Variants in EVI5 observed in about 807,000 individuals in gnomAD.
EVI5 encodes ecotropic viral integration site 5, also known as ecotropic viral integration site 5 protein homolog.
A neutral mutation model predicts 112.0 loss-of-function variants in EVI5; 73 were observed. The observed-to-expected ratio is 0.65, with a 90% CI of 0.54 to 0.79. The LOEUF (loss-of-function observed/expected upper bound fraction) is 0.79. EVI5 is among the 30% of genes least tolerant of loss of function. The pLI is 0.00. For synonymous variants in EVI5, 305 were observed against 319.9 expected, an observed-to-expected ratio of 0.95 and a Z score of 0.50; for missense variants, 900 against 968.8, an observed-to-expected ratio of 0.93 and a Z score of 0.94.
chr1:92,676,459 C>A (rs1397306102), intron 10 of EVI5, among the ~76,000 whole-genome samples: 1 of 152,030 alleles, frequency 6.6e-6, no homozygotes, highest in East Asian at 1.9e-4. Flanking sequence ...GTGAATTGGC[C>A]AATCACTAAG....
chr1:92,704,673 A>G lies in EVI5; in HGVS notation c.221T>C (p.Val74Ala), dbSNP rs201824598. The stretch of plus-strand genomic sequence containing the variant: ...GTTGCTAGAGGCTGATGAACTCGAC[A>G]CAAGAGAAGAGCCACTGTTTCTTCT... Reference protein sequence around the residue: ...GSRRNSGSSLVSSSSASSNLS... With the variant: ...GSRRNSGSSLASSSSASSNLS... The change falls in exon 3 of 20, where the codon GTG (valine) becomes GCG (alanine). Residue 74 changes from valine to alanine, a missense_variant. Coordinates refer to ENST00000684568, the MANE Select transcript of EVI5 (RefSeq NM_001350197.2). 1.9e-6 allele frequency: 3 copies of G among 1,605,020 alleles called. No homozygotes were observed. Among genetic ancestry groups the G allele is most frequent in the Non-Finnish European group, 1.7e-6 (2 of 1,174,142 alleles).
At chr1:92,530,686 C>A (rs958297068) in intron 19 of EVI5, among the ~76,000 whole-genome samples, 11 of 151,874 alleles carry the variant, frequency 7.2e-5, no homozygotes, top group African/African-American at 2.4e-4. Flanking sequence ...AGCAGACCTG[C>A]AGCAGAGAGG....
intron 18 of EVI5, among the ~76,000 whole-genome samples, chr1:92,593,530 C>G (rs544412586): frequency 0.012 from 1,772 of 152,306 alleles, 40 homozygotes; most frequent in African/African-American, 0.04. Flanking sequence ...TGCCCTCTCT[C>G]ACCACTCCTA....
At chr1:92,689,024 G>A (rs1216792935) in intron 9 of EVI5, among the ~76,000 whole-genome samples, 1 of 152,034 alleles carries the variant, frequency 6.6e-6, no homozygotes, top group East Asian at 1.9e-4. Flanking sequence ...GTATGAAGTA[G>A]ACACTGCAGT....
chr1:92,570,603 T>C (rs1372572595), intron 18 of EVI5, among the ~76,000 whole-genome samples: 1 of 152,106 alleles, frequency 6.6e-6, no homozygotes, highest in Non-Finnish European at 1.5e-5. Flanking sequence ...ACCTCTAACA[T>C]TGTAAGAGAG....
At chr1:92,663,530 T>C (rs1664382555) in intron 11 of EVI5, 78 bp from the exon 12 acceptor site, 2 of 665,790 alleles carry the variant, frequency 3.0e-6, no homozygotes, top group Non-Finnish European at 4.9e-6. Flanking sequence ...GAAACAAATA[T>C]ACCCAAATTC....
At chr1:92,697,805 C>A in intron 6 of EVI5, 55 bp downstream of exon 6, 7 of 1,458,376 alleles carry the variant, frequency 4.8e-6, no homozygotes, top group Non-Finnish European at 6.6e-6. Flanking sequence ...GCACTCAGAA[C>A]AAGATATAAA....
chr1:92,636,712 A>C (rs1226504750), intron 13 of EVI5, among the ~76,000 whole-genome samples: 1 of 152,222 alleles, frequency 6.6e-6, no homozygotes, highest in Non-Finnish European at 1.5e-5. Context: ...GTGGCTACTG[A>C]ACACTTGAAA....
rs1659151069 is a variant in EVI5 at position 92,510,973 on chromosome 1, T to C, written c.*2683A>G. 6.6e-6 allele frequency: 1 copy of C among 152,216 alleles called. No homozygotes were observed. Among genetic ancestry groups the C allele is most frequent in the African/African-American group, 2.4e-5 (1 of 41,450 alleles). The allele number at this position is 152,216 out of a possible 1,614,324, so 9.4% of individuals were successfully genotyped here. On this transcript the variant is annotated 3_prime_UTR_variant, in exon 20 of 20. Coordinates refer to ENST00000684568, the MANE Select transcript of EVI5 (RefSeq NM_001350197.2). ...CTCACTTCACTTGGACATTGATAGC[T>C]TTCTGGGCTGATAGTATAGAACTCC...
At chr1:92,539,330 C>G (rs1664396093) in intron 19 of EVI5, among the ~76,000 whole-genome samples, 1 of 152,026 alleles carries the variant, frequency 6.6e-6, no homozygotes, top group Non-Finnish European at 1.5e-5. Context: ...ATCACGAGGT[C>G]AGGAGATGGA....
chr1:92,786,682 A>G (rs1305106571), upstream of EVI5, among the ~76,000 whole-genome samples: 2 of 152,178 alleles, frequency 1.3e-5, no homozygotes, highest in African/African-American at 4.8e-5. Context: ...CACAACAGGC[A>G]GAGTGACTTT....
At position 92,736,497 on chromosome 1, in the gene EVI5, G is replaced by A; in HGVS notation, c.50C>T (p.Ser17Leu). The change falls in exon 2 of 20, where the codon TCA becomes TTA. Residue 17 changes from serine to leucine, a missense_variant. Ser to Leu is a moderately radical substitution (Grantham distance 145). Coordinates refer to ENST00000684568, the MANE Select transcript of EVI5 (RefSeq NM_001350197.2). ...GGCTGGTGTTGATAGTGTGGTAGAT[G>A]AGGATGTGGTATGTAATGAAGTAGA... ...SPSTSLHTTS[S>L]STTLSTPALS... 6.2e-7 allele frequency: 1 copy of A among 1,613,944 alleles called. No homozygotes were observed. Among genetic ancestry groups the A allele is most frequent in the Non-Finnish European group, 8.5e-7 (1 of 1,179,876 alleles).
intron 9 of EVI5, among the ~76,000 whole-genome samples, chr1:92,690,638 C>T (rs2051841): frequency 0.2 from 30,355 of 152,060 alleles, 3,540 homozygotes; most frequent in Non-Finnish European, 0.26. Context: ...GTGTGAGCCA[C>T]TGTGCCTGGC....
chr1:92,659,646 G>A (rs1027702835), intron 13 of EVI5, among the ~76,000 whole-genome samples: 2 of 152,044 alleles, frequency 1.3e-5, no homozygotes, highest in Non-Finnish European at 2.9e-5. Context: ...GGTGGGAATG[G>A]AAATTAGTAC....
chr1:92,747,846 C>T (rs1304408804), intron 1 of EVI5, among the ~76,000 whole-genome samples: 1 of 151,794 alleles, frequency 6.6e-6, no homozygotes, highest in Non-Finnish European at 1.5e-5. Context: ...TCTTCCCTTG[C>T]CTCTTCCTAG....
intron 1 of EVI5, chr1:92,774,055 C>T (rs893748093): frequency 2.6e-5 from 4 of 151,196 alleles, no homozygotes; most frequent in Admixed American, 1.3e-4. Flanking sequence ...CAAAAAAAAA[C>T]TTACAAATTA....
At chr1:92,680,563 TGGTATGG>T in intron 9 of EVI5, among the ~76,000 whole-genome samples, 1 of 152,272 alleles carries the variant, frequency 6.6e-6, no homozygotes, top group East Asian at 1.9e-4. Flanking sequence ...GATATAAAAC[TGGTATGG>T]TTAAGTTTGG....
At chr1:92,525,091 G>A (rs1292324762) in intron 19 of EVI5, among the ~76,000 whole-genome samples, 2 of 152,112 alleles carry the variant, frequency 1.3e-5, no homozygotes, top group East Asian at 3.9e-4. Context: ...GTCTCCCAAA[G>A]TGCTGGGATT....
chr1:92,775,903 T>C (rs1233376629), intron 1 of EVI5, among the ~76,000 whole-genome samples: 1 of 152,070 alleles, frequency 6.6e-6, no homozygotes, highest in Non-Finnish European at 1.5e-5. Flanking sequence ...GGTCAGGAGA[T>C]CAAGACCATC....
Sources: allele counts gnomAD v4.1 joint callset (sites outside exome capture counted in the v4.1 genomes callset), GRCh38; gene constraint gnomAD v4.1.1; transcripts MANE v1.5; gene names NCBI Gene and HGNC (gene_info 2026-07-23, HGNC 2026-07-21).